Variants in DBF4B observed in about 807,000 individuals in gnomAD.
The protein encoded by DBF4B is DBF4B-CDC7 kinase regulatory subunit.
DBF4B carries 49 observed loss-of-function variants against 53.4 expected under a neutral mutation model. The ratio of observed to expected loss-of-function variants is 0.92; its 90% CI spans 0.73 to 1.16. The LOEUF (loss-of-function observed/expected upper bound fraction) is 1.16, where lower values mean the gene tolerates loss of function less well. Ranked by LOEUF, DBF4B falls within the 50% of genes most tolerant of loss-of-function variation. DBF4B has a pLI of 0.00. For missense variants in DBF4B, 692 were observed against 775.0 expected (o/e 0.89, Z 1.27); for synonymous variants, 257 against 288.7 (o/e 0.89, Z 1.11).
intron 3 of DBF4B, among the ~76,000 whole-genome samples, chr17:44,729,677 T>TACACACACAC (rs1429104175): frequency 1.2e-4 from 12 of 100,400 alleles, no homozygotes; most frequent in African/African-American, 3.9e-4. Context: ...AAACCTGTAA[T>TACACACACAC]ACACATACAC....
chr17:44,712,907 T>C (rs1228269778), intron 2 of DBF4B, among the ~76,000 whole-genome samples: 2 of 151,986 alleles, frequency 1.3e-5, no homozygotes, highest in Non-Finnish European at 2.9e-5. Context: ...CTGTCTTCTA[T>C]GGACAATAAA....
At chr17:44,729,824 G>T in intron 3 of DBF4B, 81 bp from the exon 4 acceptor site, 4 of 1,493,752 alleles carry the variant, frequency 2.7e-6, no homozygotes, top group Non-Finnish European at 3.6e-6. Context: ...TGGCAGCCAA[G>T]ATTTCCTTCT....
intron 10 of DBF4B, among the ~76,000 whole-genome samples, chr17:44,744,351 G>T (rs1204149917): frequency 6.6e-6 from 1 of 151,738 alleles, no homozygotes; most frequent in Non-Finnish European, 1.5e-5. Context: ...AGCAGAGGTT[G>T]CAGTGAGCCA....
chr17:44,732,613 A>G, intron 6 of DBF4B: 1 of 199,938 alleles, frequency 5.0e-6, no homozygotes, highest in South Asian at 8.4e-5. Context: ...CACACCTGTA[A>G]TCCCAGCACT....
chr17:44,749,825 T>G lies in DBF4B; in HGVS notation c.1190-770T>G, dbSNP rs1376953456. 1 of 1,034,102 alleles carries G rather than the reference T, an allele frequency of 9.7e-7. No homozygotes were observed. Among genetic ancestry groups the G allele is most frequent in the Non-Finnish European group, 1.2e-6 (1 of 859,200 alleles). The allele number at this position is 1,034,102 out of a possible 1,614,324, so 64.1% of individuals were successfully genotyped here. A position where few individuals can be genotyped will look rare whatever the true frequency, so the allele number is the denominator to read the frequency against. On this transcript the variant is annotated intron_variant, in intron 13 of 13. Transcript: ENST00000315005. The surrounding 1 kb of genome is among the most constrained non-coding windows in gnomAD (Gnocchi z 4.4). ...GTGTGCTCCACCCCCAACCCCGGCCTCCTTTCTCACGAGCATGTGGCCGCT... is the reference window on the plus strand; with the variant it reads ...GTGTGCTCCACCCCCAACCCCGGCCGCCTTTCTCACGAGCATGTGGCCGCT...
At chr17:44,748,822 C>T (rs571693646) in intron 13 of DBF4B, 3 of 1,295,816 alleles carry the variant, frequency 2.3e-6, no homozygotes, top group East Asian at 1.1e-4. Context: ...TAGTGGCAAG[C>T]GTCTTCCCTC....
At chr17:44,717,439 G>C (rs1973423060) in intron 2 of DBF4B, among the ~76,000 whole-genome samples, 1 of 152,148 alleles carries the variant, frequency 6.6e-6, no homozygotes, top group Non-Finnish European at 1.5e-5. Context: ...GGGCGTGGTG[G>C]CTCACGCCTG....
At chr17:44,741,757 T>G (rs930464241) in intron 10 of DBF4B, among the ~76,000 whole-genome samples, 5 of 152,298 alleles carry the variant, frequency 3.3e-5, no homozygotes, top group Admixed American at 3.3e-4. Flanking sequence ...ACAGCACTCT[T>G]ACCCTGTCCG....
chr17:44,727,233 A>G (rs1317034612), intron 3 of DBF4B, among the ~76,000 whole-genome samples: 17 of 151,790 alleles, frequency 1.1e-4, no homozygotes, highest in Admixed American at 1.1e-3. Context: ...CCTGGCCAAC[A>G]TGATGAAACC....
chr17:44,751,801 T>C lies in DBF4B; in HGVS notation c.*548T>C. The C allele has an allele frequency of 6.6e-7, 1 of 1,525,544 alleles. No homozygotes were observed. The highest frequency in any genetic ancestry group is 8.8e-7 in the Non-Finnish European group (1 of 1,140,800). The allele number at this position is 1,525,544 out of a possible 1,614,324, so 94.5% of individuals were successfully genotyped here. A position where few individuals can be genotyped will look rare whatever the true frequency, so the allele number is the denominator to read the frequency against. On this transcript the variant is annotated 3_prime_UTR_variant, in exon 14 of 14. Transcript: ENST00000315005. ...TCCAAGGTCATGGACAGGCTACTGG[T>C]GACCAAAGTTGGTTCCTTTTCTCCT...
Position 44,741,316 on chromosome 17 carries a change from G to T in DBF4B, c.714-20G>T, listed in dbSNP as rs2145085531. ...TTACCTTCCCCATTGTAGTCAAAGT[G>T]GAAGTTTTCTCTGTTGCAGGAAGTT... On this transcript the variant is annotated intron_variant, in intron 9 of 13. Coordinates refer to ENST00000315005, the MANE Select transcript of DBF4B (RefSeq NM_145663.3). 6.4e-7 allele frequency: 1 copy of T among 1,572,938 alleles called. No homozygotes were observed. The highest frequency in any genetic ancestry group is 2.2e-5 in the East Asian group (1 of 44,638).
intron 3 of DBF4B, among the ~76,000 whole-genome samples, chr17:44,726,292 T>TTTTTTTTATTTATTTATTTA (rs1555676222): frequency 4.5e-5 from 6 of 132,054 alleles, no homozygotes; most frequent in East Asian, 2.2e-4. Context: ...CCCGGCCCTT[T>TTTTTTTTATTTATTTATTTA]TTTATTTATT....
Position 44,752,073 on chromosome 17 carries a change from GATGTGACCGAT to G in DBF4B, c.*821_*831del, listed in dbSNP as rs1262643201. On this transcript the variant is annotated 3_prime_UTR_variant, in exon 14 of 14. Coordinates refer to ENST00000315005, the MANE Select transcript of DBF4B (RefSeq NM_145663.3). ...TCGCTGAGCCTTTCACTTCTCGGCAGATGTGACCGATTGGTAGCTCCACCCCAACTCCCTTC... is the reference window on the plus strand; with the variant it reads ...TCGCTGAGCCTTTCACTTCTCGGCAGTGGTAGCTCCACCCCAACTCCCTTC... 7.5e-7 allele frequency: 1 copy of G among 1,325,504 alleles called. No homozygotes were observed. The highest frequency in any genetic ancestry group is 1.0e-6 in the Non-Finnish European group (1 of 956,140). The allele number at this position is 1,325,504 out of a possible 1,614,324, so 82.1% of individuals were successfully genotyped here.
intron 2 of DBF4B, among the ~76,000 whole-genome samples, chr17:44,710,761 C>T (rs778481946): frequency 1.3e-5 from 2 of 151,758 alleles, no homozygotes; most frequent in East Asian, 1.9e-4. Context: ...TTTGTAGAGA[C>T]GAGGTTTTGC....
intron 9 of DBF4B, among the ~76,000 whole-genome samples, chr17:44,740,932 G>A (rs774241114): frequency 2.0e-5 from 3 of 152,008 alleles, no homozygotes; most frequent in Admixed American, 6.6e-5. Flanking sequence ...TCAGGAGATC[G>A]AGACCATCCT....
chr17:44,711,036 A>C (rs541888683), intron 2 of DBF4B, among the ~76,000 whole-genome samples: 2 of 126,690 alleles, frequency 1.6e-5, no homozygotes, highest in South Asian at 5.1e-4. Context: ...CCCAGGCTGG[A>C]GTGCAGTGGC....
chr17:44,720,040 A>G (rs1464179466), intron 2 of DBF4B: 4 of 235,686 alleles, frequency 1.7e-5, no homozygotes, highest in Non-Finnish European at 1.7e-5. Flanking sequence ...AGCAATGACA[A>G]ATTTCTGGTG....
At chr17:44,712,301 CTTTTTTTTTTT>C (rs1163777667) in intron 2 of DBF4B, among the ~76,000 whole-genome samples, 25 of 71,912 alleles carry the variant, frequency 3.5e-4, no homozygotes, top group African/African-American at 2.3e-4. Flanking sequence ...ATTATGTCTT[CTTTTTTTTTTT>C]TTTTTTTTTT....
Position 44,738,432 on chromosome 17 carries a change from G to C in DBF4B, c.713+8G>C, listed in dbSNP as rs746071643. On this transcript the variant is annotated splice_region_variant and intron_variant, in intron 9 of 13. Coordinates refer to ENST00000315005, the MANE Select transcript of DBF4B (RefSeq NM_145663.3). ...AATCGAAGATGAAAGCAGGTGAGTG[G>C]GACCTCCTTTCTCTGCTTGCCCCAG... 9.6e-5 allele frequency: 155 copies of C among 1,613,240 alleles called. No homozygotes were observed. Among genetic ancestry groups the C allele is most frequent in the Non-Finnish European group, 1.3e-4 (148 of 1,179,458 alleles).
Sources: gnomAD v4.1 joint callset for allele counts (sites outside exome capture counted in the v4.1 genomes callset) on GRCh38, gnomAD v4.1.1 for gene constraint, Gnocchi (gnomAD v3.1) non-coding constraint, MANE v1.5 for transcripts, NCBI Gene and HGNC (gene_info 2026-07-23, HGNC 2026-07-21) for gene names.